The following LRRC8A variants were observed in gnomAD, a reference collection of about 807,000 sequenced individuals.
The protein encoded by LRRC8A is leucine rich repeat containing 8 VRAC subunit A, also known as volume-regulated anion channel subunit LRRC8A.
Under a neutral mutation model 52.5 loss-of-function variants are expected in LRRC8A, and 24 were observed. The ratio of observed to expected loss-of-function variants is 0.46; its 90% CI spans 0.33 to 0.64. The LOEUF is 0.64. LRRC8A is among the 30% of genes least tolerant of loss of function. The pLI is 0.02. For missense variants in LRRC8A, 677 were observed against 1,094.7 expected (o/e 0.62, Z 5.38); for synonymous variants, 492 against 494.2 (o/e 1.00, Z 0.06).
intron 3 of LRRC8A, among the ~76,000 whole-genome samples, chr9:128,913,357 TGAG>T (rs1032295641): frequency 1.3e-5 from 2 of 152,162 alleles, no homozygotes; most frequent in African/African-American, 4.8e-5. Context: ...CAGGTCGAGT[TGAG>T]GCCTTTCAGT....
chr9:128,882,931 C>G, intron 1 of LRRC8A: 1 of 397,250 alleles, frequency 2.5e-6, no homozygotes, highest in African/African-American at 2.1e-5. Context: ...ACCCAGCAAA[C>G]TGAGCTCCCA....
intron 1 of LRRC8A, chr9:128,882,479 C>T (rs959672511): frequency 2.6e-6 from 1 of 381,702 alleles, no homozygotes; most frequent in African/African-American, 2.1e-5. Context: ...CGAGCCCCCT[C>T]CCAGGCACCC....
chr9:128,901,923 C>G (rs554608301), intron 2 of LRRC8A, among the ~76,000 whole-genome samples: 1 of 152,336 alleles, frequency 6.6e-6, no homozygotes, highest in South Asian at 2.1e-4. Context: ...TGATCTCCCC[C>G]GAAGCCCCAT....
At chr9:128,895,622 G>T (rs1839793287) in intron 2 of LRRC8A, among the ~76,000 whole-genome samples, 1 of 152,196 alleles carries the variant, frequency 6.6e-6, no homozygotes, top group Admixed American at 6.5e-5. Context: ...CTGCCTTGTG[G>T]GAAGGGCCTG....
chr9:128,905,681 A>G (rs540892938), intron 2 of LRRC8A, among the ~76,000 whole-genome samples: 128 of 152,236 alleles, frequency 8.4e-4, no homozygotes, highest in Non-Finnish European at 1.5e-3. Flanking sequence ...TGTCTCTACT[A>G]AAAAACACAA....
At chr9:128,912,516 T>TGGGGGGGGGGGGGGG (rs1840599360) in intron 3 of LRRC8A, among the ~76,000 whole-genome samples, 1 of 102,052 alleles carries the variant, frequency 9.8e-6, no homozygotes, top group Non-Finnish European at 2.0e-5. Flanking sequence ...GGGGGGGGTG[T>TGGGGGGGGGGGGGGG]GGATGGCAGG....
chr9:128,914,252 C>T (rs1335214390), intron 3 of LRRC8A, among the ~76,000 whole-genome samples: 1 of 150,052 alleles, frequency 6.7e-6, no homozygotes, highest in Non-Finnish European at 1.5e-5. Flanking sequence ...GGGCCTTGGC[C>T]ATGCTTATCT....
chr9:128,886,436 C>T (rs893492224), intron 2 of LRRC8A, among the ~76,000 whole-genome samples: 1 of 152,214 alleles, frequency 6.6e-6, no homozygotes, highest in African/African-American at 2.4e-5. Flanking sequence ...GCGTGGACCA[C>T]GTTTCCCAAG....
At chr9:128,891,818 C>T (rs1486925643) in intron 2 of LRRC8A, among the ~76,000 whole-genome samples, 1 of 152,106 alleles carries the variant, frequency 6.6e-6, no homozygotes, top group Non-Finnish European at 1.5e-5. Flanking sequence ...GTCCGGGAGG[C>T]CTGCTTGTCT....
intron 2 of LRRC8A, among the ~76,000 whole-genome samples, chr9:128,890,130 T>TGTGTGTG (rs1839548910): frequency 0.017 from 2,144 of 128,280 alleles, 35 homozygotes; most frequent in Middle Eastern, 0.047. Flanking sequence ...TGGCTTCATT[T>TGTGTGTG]TGTGTGTGTG....
At position 128,908,754 on chromosome 9, in the gene LRRC8A, GAAC is replaced by G. The variant is rs1335755926; in HGVS notation, c.1594_1596del (p.Asn532del). Reference sequence around the variant, plus strand: ...ACCTGACGGGCAACCTGAGCGCGGAGAACAACCGCTACATCGTCATCGACGGGC... The same window carrying G: ...ACCTGACGGGCAACCTGAGCGCGGAGAACCGCTACATCGTCATCGACGGGC... On this transcript the variant is annotated inframe_deletion, in exon 3 of 4. Transcript: ENST00000372600. The G allele has an allele frequency of 6.2e-7, 1 of 1,613,150 alleles. No individual in the cohort carries two copies. Among genetic ancestry groups the G allele is most frequent in the African/African-American group, 1.3e-5 (1 of 74,940 alleles).
intron 2 of LRRC8A, among the ~76,000 whole-genome samples, chr9:128,891,475 C>T (rs997704542): frequency 2.0e-5 from 3 of 152,160 alleles, no homozygotes; most frequent in African/African-American, 4.8e-5. Context: ...GCTGGAGGAT[C>T]GCTTGAGCCA....
chr9:128,908,152 A>G lies in LRRC8A; in HGVS notation c.988A>G (p.Ile330Val), dbSNP rs1840333389. The G allele has an allele frequency of 6.2e-7, 1 of 1,613,866 alleles. No individual in the cohort carries two copies. Among genetic ancestry groups the G allele is most frequent in the Admixed American group, 1.7e-5 (1 of 59,980 alleles). ...ILASFYISLV[I>V]FYGLICMYTL... ...GGCGTCCTTCTACATCAGCCTAGTC[A>G]TCTTCTACGGCCTCATCTGCATGTA... The change falls in exon 3 of 4, where the codon ATC becomes GTC. Residue 330 changes from isoleucine (I) to valine (V), a missense_variant. Transcript: ENST00000372600.
At chr9:128,884,216 G>A (rs993492304) in intron 1 of LRRC8A, among the ~76,000 whole-genome samples, 1 of 152,196 alleles carries the variant, frequency 6.6e-6, no homozygotes, top group Non-Finnish European at 1.5e-5. Context: ...GACCTTGCCT[G>A]TAGGAGTTGG....
rs368745794 is a variant in LRRC8A, at chr9:128,907,764, C to T, written c.600C>T (p.Thr200=). 73 of 1,613,714 alleles carry T rather than the reference C, an allele frequency of 4.5e-5. No individual in the cohort carries two copies. The highest frequency in any genetic ancestry group is 1.7e-4 in the Middle Eastern group (1 of 6,060). The change falls in exon 3 of 4, where the codon ACC becomes ACT. Residue 200 remains threonine (T), a synonymous_variant. Coordinates refer to ENST00000372600, the MANE Select transcript of LRRC8A (RefSeq NM_019594.4). This position sits in a 1 kb window ranked among gnomAD's most constrained non-coding sequence, Gnocchi z 9.3. Reference sequence around the variant, plus strand: ...GGTCCATGGACAAAAAGTCATCGACCGTCAGTGAGGACGTGGAGGCCACCG... The same window carrying T: ...GGTCCATGGACAAAAAGTCATCGACTGTCAGTGAGGACGTGGAGGCCACCG... ...MNGSMDKKSS[T]VSEDVEATVP... is the part of the protein sequence containing the mutation.
chr9:128,885,526 C>T (rs1456271069), intron 1 of LRRC8A: 2 of 152,288 alleles, frequency 1.3e-5, no homozygotes, highest in African/African-American at 4.8e-5. Flanking sequence ...CTGGCTCCCC[C>T]GCAGCAGAGC....
chr9:128,890,305 A>C (rs1839565153), intron 2 of LRRC8A, among the ~76,000 whole-genome samples: 1 of 152,248 alleles, frequency 6.6e-6, no homozygotes, highest in African/African-American at 2.4e-5. Context: ...TGCGTCTTGC[A>C]GCAAGTTTGT....
In LRRC8A at chr9:128,892,170, C is replaced by T. The variant is rs964659182; in HGVS notation, c.-9+6049C>T. On this transcript the variant is annotated intron_variant, in intron 2 of 3. Coordinates refer to ENST00000372600, the MANE Select transcript of LRRC8A (RefSeq NM_019594.4). The surrounding 1 kb of genome is among the most constrained non-coding windows in gnomAD (Gnocchi z 5.2). ...GGTCTCGTGGTGAGGTGGGTGCCAC[C>T]TTGCTGCTATGCATGAAGGTTGGGA... Among the ~76,000 whole-genome samples, 5 of 152,184 alleles carry T rather than the reference C, an allele frequency of 3.3e-5. No individual in the cohort carries two copies. The highest frequency in any genetic ancestry group is 4.8e-5 in the African/African-American group (2 of 41,456).
intron 3 of LRRC8A, among the ~76,000 whole-genome samples, chr9:128,914,704 A>C (rs1236433494): frequency 6.6e-6 from 1 of 152,234 alleles, no homozygotes; most frequent in Non-Finnish European, 1.5e-5. Context: ...ATCAAGGCCC[A>C]GGGCTCCTGG....
Sources: gnomAD v4.1 joint callset for allele counts (sites outside exome capture counted in the v4.1 genomes callset) on GRCh38, gnomAD v4.1.1 for gene constraint, Gnocchi (gnomAD v3.1) non-coding constraint, MANE v1.5 for transcripts, NCBI Gene and HGNC (gene_info 2026-07-23, HGNC 2026-07-21) for gene names.